Variants in SPAG16 observed in about 807,000 individuals in gnomAD.
SPAG16 encodes sperm associated antigen 16, also known as sperm-associated antigen 16 protein.
Under a neutral mutation model 80.4 loss-of-function variants are expected in SPAG16, and 86 were observed. The ratio of observed to expected loss-of-function variants is 1.07; its 90% confidence interval spans 0.90 to 1.28. The LOEUF is 1.28. SPAG16 is among the 50% of genes most tolerant of loss of function. SPAG16 has a pLI of 0.00. For missense variants in SPAG16, 870 were observed against 765.3 expected, an observed-to-expected ratio of 1.14 and a Z score of -1.61; for synonymous variants, 294 against 265.9, an observed-to-expected ratio of 1.11 and a Z score of -1.03.
intron 13 of SPAG16, among the ~76,000 whole-genome samples, chr2:214,063,903 C>T (rs1050460209): frequency 2.0e-5 from 3 of 151,964 alleles, no homozygotes; most frequent in Admixed American, 1.3e-4. Flanking sequence ...CAGGAATTTT[C>T]GACTGTTTTG....
chr2:213,785,987 A>G (rs1377774029), intron 10 of SPAG16, among the ~76,000 whole-genome samples: 1 of 152,008 alleles, frequency 6.6e-6, no homozygotes, highest in Non-Finnish European at 1.5e-5. Context: ...AGCCTCGGCG[A>G]CAAGAGCAAA....
At chr2:214,407,831 T>C (rs1702082360) in intron 15 of SPAG16, among the ~76,000 whole-genome samples, 1 of 152,142 alleles carries the variant, frequency 6.6e-6, no homozygotes, top group Non-Finnish European at 1.5e-5. Flanking sequence ...AGCATCCCTG[T>C]TCCCAGCAAA....
chr2:213,372,706 G>C (rs1040556029), intron 8 of SPAG16, among the ~76,000 whole-genome samples: 4 of 151,942 alleles, frequency 2.6e-5, no homozygotes, highest in Non-Finnish European at 5.9e-5. Flanking sequence ...GACATTTTCT[G>C]TTTCTCTAGG....
At chr2:214,277,727 A>G (rs1300874958) in intron 15 of SPAG16, among the ~76,000 whole-genome samples, 1 of 152,156 alleles carries the variant, frequency 6.6e-6, no homozygotes, top group Non-Finnish European at 1.5e-5. Flanking sequence ...ATCAGCCCCT[A>G]CTGGGAGATG....
chr2:213,418,617 T>C (rs2069406341), intron 9 of SPAG16, among the ~76,000 whole-genome samples: 1 of 152,212 alleles, frequency 6.6e-6, no homozygotes, highest in Non-Finnish European at 1.5e-5. Context: ...TTTTGTATGG[T>C]CTTTTGATCC....
intron 15 of SPAG16, among the ~76,000 whole-genome samples, chr2:214,255,730 C>T (rs1690634364): frequency 6.6e-6 from 1 of 151,966 alleles, no homozygotes; most frequent in Non-Finnish European, 1.5e-5. Context: ...TTTTTGACTA[C>T]AGTAAAGCTG....
At chr2:214,334,051 A>G (rs976037670) in intron 15 of SPAG16, among the ~76,000 whole-genome samples, 1 of 152,168 alleles carries the variant, frequency 6.6e-6, no homozygotes, top group East Asian at 1.9e-4. Context: ...CCCATATCCA[A>G]TATGTCCCAT....
At chr2:213,295,464 TA>T (rs1198952519) in intron 1 of SPAG16, among the ~76,000 whole-genome samples, 1 of 152,114 alleles carries the variant, frequency 6.6e-6, no homozygotes, top group Non-Finnish European at 1.5e-5. Context: ...TATATTCACT[TA>T]AAAATTAAGT....
chr2:213,920,054 T>A (rs1206876447), intron 11 of SPAG16, among the ~76,000 whole-genome samples: 2 of 152,192 alleles, frequency 1.3e-5, no homozygotes, highest in Non-Finnish European at 2.9e-5. Flanking sequence ...CTCCCCTTTT[T>A]TCGTCTCTAT....
rs370569767 is a variant in SPAG16, at chr2:213,990,420, C to A, written c.1401-23531C>A. The stretch of plus-strand genomic sequence containing the variant: ...AAATCTGAGTATAACTTTTGACATT[C>A]CCAAACCTTAGCTACTAAATGCCTA... On this transcript the variant is annotated intron_variant, in intron 12 of 15. Coordinates refer to ENST00000331683, the MANE Select transcript of SPAG16 (RefSeq NM_024532.5). 7.2e-5 allele frequency among the ~76,000 whole-genome samples: 11 copies of A among 152,128 alleles called. No individual in the cohort carries two copies. In the South Asian group the frequency reaches 2.1e-3, roughly 29 times the overall value.
chr2:213,506,363 T>C (rs2074968707), intron 10 of SPAG16, among the ~76,000 whole-genome samples: 1 of 152,232 alleles, frequency 6.6e-6, no homozygotes, highest in Non-Finnish European at 1.5e-5. Context: ...TAAAAATGTA[T>C]ATACATTATA....
At chr2:213,932,198 A>ATATATATT (rs2078791434) in intron 12 of SPAG16, among the ~76,000 whole-genome samples, 1 of 99,788 alleles carries the variant, frequency 1.0e-5, no homozygotes, top group African/African-American at 4.5e-5. Context: ...ATATATATAT[A>ATATATATT]TTTGTTGTTG....
At chr2:213,392,575 G>A (rs988953029) in intron 9 of SPAG16, among the ~76,000 whole-genome samples, 4 of 152,072 alleles carry the variant, frequency 2.6e-5, no homozygotes, top group Admixed American at 2.6e-4. Flanking sequence ...GGCTGGGCAC[G>A]GTGGCTCACA....
At chr2:213,804,174 T>C (rs2071596695) in intron 10 of SPAG16, among the ~76,000 whole-genome samples, 5 of 152,172 alleles carry the variant, frequency 3.3e-5, no homozygotes. Context: ...TTGGCCCTCA[T>C]ACAATTTAAA....
intron 13 of SPAG16, among the ~76,000 whole-genome samples, chr2:214,067,669 A>T (rs915881079): frequency 2.6e-5 from 4 of 152,134 alleles, no homozygotes; most frequent in Admixed American, 2.0e-4. Context: ...GAATGCTATC[A>T]TAATGATATA....
chr2:213,863,669 T>C (rs912621950), intron 11 of SPAG16, among the ~76,000 whole-genome samples: 1 of 152,010 alleles, frequency 6.6e-6, no homozygotes, highest in Non-Finnish European at 1.5e-5. Flanking sequence ...AAAACCCATG[T>C]TGCAAGCAGA....
At chr2:213,788,484 C>T (rs2070482076) in intron 10 of SPAG16, among the ~76,000 whole-genome samples, 1 of 151,770 alleles carries the variant, frequency 6.6e-6, no homozygotes, top group Non-Finnish European at 1.5e-5. Context: ...TCTCTACTTC[C>T]TTTTCTTTCT....
intron 10 of SPAG16, among the ~76,000 whole-genome samples, chr2:213,742,505 A>G (rs1353870677): frequency 6.6e-6 from 1 of 151,196 alleles, no homozygotes; most frequent in Non-Finnish European, 1.5e-5. Flanking sequence ...AAATACCTCT[A>G]CAGGTACACT....
chr2:213,845,542 G>T (rs2074580748), intron 10 of SPAG16, among the ~76,000 whole-genome samples: 1 of 152,102 alleles, frequency 6.6e-6, no homozygotes, highest in Non-Finnish European at 1.5e-5. Context: ...TAAGTTCAAA[G>T]CAATATGTAC....
Sources: gnomAD v4.1 joint callset for allele counts (sites outside exome capture counted in the v4.1 genomes callset) on GRCh38, gnomAD v4.1.1 for gene constraint, MANE v1.5 for transcripts, NCBI Gene and HGNC (gene_info 2026-07-23, HGNC 2026-07-21) for gene names.